Variants in ANKFN1 observed in about 807,000 individuals in gnomAD.
The protein encoded by ANKFN1 is ankyrin repeat and fibronectin type-III domain-containing protein 1.
In ANKFN1, 74 loss-of-function variants were observed where a neutral mutation model predicts 108.7. The observed-to-expected ratio is 0.68, with a 90% CI of 0.56 to 0.83. The LOEUF is 0.83. Among genes scored for constraint, ANKFN1 ranks in the 40% least tolerant of loss-of-function variants. ANKFN1 has a pLI of 0.00. For missense variants in ANKFN1, 1,505 were observed against 1,382.3 expected (o/e 1.09, Z -1.41); for synonymous variants, 547 against 516.2 (o/e 1.06, Z -0.81).
At chr17:56,482,026 A>T (rs1054305023) in intron 17 of ANKFN1, among the ~76,000 whole-genome samples, 1 of 152,168 alleles carries the variant, frequency 6.6e-6, no homozygotes, top group African/African-American at 2.4e-5. Flanking sequence ...AACCAACTTA[A>T]ATTGAAACTA....
chr17:56,365,295 G>T (rs2046630015), intron 6 of ANKFN1, among the ~76,000 whole-genome samples: 1 of 152,088 alleles, frequency 6.6e-6, no homozygotes, highest in South Asian at 2.1e-4. Context: ...TTTATTTGAG[G>T]CAAGAGGGGT....
chr17:56,375,290 A>T (rs1271560156), intron 8 of ANKFN1, among the ~76,000 whole-genome samples: 1 of 152,210 alleles, frequency 6.6e-6, no homozygotes, highest in East Asian at 1.9e-4. Flanking sequence ...GGGAAAGTAA[A>T]TTCCAAATGG....
intron 8 of ANKFN1, among the ~76,000 whole-genome samples, chr17:56,406,017 T>G (rs2047910463): frequency 6.6e-6 from 1 of 152,054 alleles, no homozygotes. Flanking sequence ...TAGATCTGTT[T>G]AAAACATTTA....
intron 6 of ANKFN1, among the ~76,000 whole-genome samples, chr17:56,356,866 C>A (rs1424381185): frequency 6.6e-6 from 1 of 152,144 alleles, no homozygotes; most frequent in Non-Finnish European, 1.5e-5. Flanking sequence ...CCATCCTGCA[C>A]TGGGCTGGAT....
intron 8 of ANKFN1, among the ~76,000 whole-genome samples, chr17:56,438,912 AAGG>A (rs1471164107): frequency 6.6e-6 from 1 of 152,200 alleles, no homozygotes; most frequent in African/African-American, 2.4e-5. Flanking sequence ...TCAAAGGGAG[AAGG>A]AGAAGGGGCA....
At chr17:56,061,225 G>T (rs76006526) in intron 4 of ANKFN1, among the ~76,000 whole-genome samples, 5 of 145,156 alleles carry the variant, frequency 3.4e-5, no homozygotes, top group Non-Finnish European at 6.0e-5. Context: ...TTGCATAGAG[G>T]TATGTATAGC....
intron 3 of ANKFN1, among the ~76,000 whole-genome samples, chr17:56,294,220 T>A (rs1431537961): frequency 6.6e-6 from 1 of 152,210 alleles, no homozygotes; most frequent in Non-Finnish European, 1.5e-5. Context: ...GGTTTAGCTC[T>A]GTTTAGGGTT....
intron 3 of ANKFN1, among the ~76,000 whole-genome samples, chr17:56,319,192 C>T (rs1481290219): frequency 1.3e-5 from 2 of 152,150 alleles, no homozygotes; most frequent in African/African-American, 4.8e-5. Context: ...TGAATAGTCA[C>T]CTCATGGATT....
At chr17:56,465,669 G>A (rs752086240) in intron 14 of ANKFN1, among the ~76,000 whole-genome samples, 1 of 152,126 alleles carries the variant, frequency 6.6e-6, no homozygotes. Context: ...TTTATTTTAG[G>A]AATAACTACC....
chr17:56,283,538 T>TATATATATATATA (rs1263196279), intron 3 of ANKFN1, among the ~76,000 whole-genome samples: 10 of 150,144 alleles, frequency 6.7e-5, no homozygotes, highest in African/African-American at 2.5e-4. Context: ...TATATATATA[T>TATATATATATATA]GATGGAATAC....
intron 4 of ANKFN1, among the ~76,000 whole-genome samples, chr17:56,060,493 A>T (rs1317924425): frequency 6.6e-6 from 1 of 152,038 alleles, no homozygotes; most frequent in Non-Finnish European, 1.5e-5. Flanking sequence ...GAGAGAGGGG[A>T]TCCTTTTCTT....
At chr17:56,369,100 C>T (rs984637928) in intron 6 of ANKFN1, among the ~76,000 whole-genome samples, 11 of 152,198 alleles carry the variant, frequency 7.2e-5, no homozygotes, top group Non-Finnish European at 1.0e-4. Context: ...CAGCTATTTA[C>T]GCACACCTTT....
At chr17:56,296,873 G>A (rs945995829) in intron 3 of ANKFN1, among the ~76,000 whole-genome samples, 12 of 152,278 alleles carry the variant, frequency 7.9e-5, no homozygotes, top group Admixed American at 5.2e-4. Flanking sequence ...CTCATATGAG[G>A]ATTAAATTAG....
intron 14 of ANKFN1, 59 bp from the exon 15 acceptor site, chr17:56,466,297 G>A (rs746704734): frequency 3.9e-5 from 57 of 1,445,736 alleles, no homozygotes; most frequent in East Asian, 2.1e-4. Context: ...TTTTGTTGCC[G>A]TTGTGTTGCT....
At chr17:56,048,959 A>G (rs1157277393) in intron 4 of ANKFN1, among the ~76,000 whole-genome samples, 1 of 152,210 alleles carries the variant, frequency 6.6e-6, no homozygotes, top group East Asian at 1.9e-4. Context: ...GAAAAAAATA[A>G]CATGTCTTAT....
intron 4 of ANKFN1, among the ~76,000 whole-genome samples, chr17:56,103,253 A>C (rs1905682244): frequency 6.6e-6 from 1 of 150,706 alleles, no homozygotes; most frequent in South Asian, 2.1e-4. Context: ...GTACACCCTG[A>C]GTTCTGCAGG....
chr17:56,342,373 G>T (rs8065097), intron 4 of ANKFN1, among the ~76,000 whole-genome samples: 120,415 of 151,738 alleles, frequency 0.79, 48,088 homozygotes, highest in East Asian at 0.96. Context: ...GGTTCTCTAG[G>T]TTTTTTTGTT....
chr17:56,170,023 T>G (rs939867958), intron 1 of ANKFN1, among the ~76,000 whole-genome samples: 1 of 152,180 alleles, frequency 6.6e-6, no homozygotes, highest in African/African-American at 2.4e-5. Flanking sequence ...GTGGCAGCTC[T>G]GCTGAAGAAA....
chr17:56,138,141 T>C (rs1192986025), intron 4 of ANKFN1, among the ~76,000 whole-genome samples: 2 of 152,172 alleles, frequency 1.3e-5, no homozygotes, highest in Non-Finnish European at 2.9e-5. Context: ...GAATGAGGAC[T>C]TCTAAATTTG....
Sources: gnomAD v4.1 joint callset for allele counts (sites outside exome capture counted in the v4.1 genomes callset) on GRCh38, gnomAD v4.1.1 for gene constraint, MANE v1.5 for transcripts, NCBI Gene and HGNC (gene_info 2026-07-23, HGNC 2026-07-21) for gene names.